EYA1: variants seen among roughly 807,000 people sequenced by gnomAD.
EYA1 encodes the protein EYA transcriptional coactivator and phosphatase 1, also known as protein phosphatase EYA1.
A neutral mutation model predicts 82.0 loss-of-function variants in EYA1; 16 were observed. The observed-to-expected ratio is 0.20, with a 90% confidence interval of 0.13 to 0.30. The LOEUF is 0.30. Ranked by LOEUF, EYA1 falls within the 10% of genes least tolerant of loss-of-function variation. The pLI is 1.00. For missense variants in EYA1, 633 were observed against 730.7 expected (o/e 0.87, Z 1.54); for synonymous variants, 261 against 264.4 (o/e 0.99, Z 0.12).
At chr8:71,451,446 T>C (rs1807366364) in intron 2 of EYA1, among the ~76,000 whole-genome samples, 2 of 152,208 alleles carry the variant, frequency 1.3e-5, no homozygotes, top group African/African-American at 2.4e-5. Context: ...ATCTATGATA[T>C]GAGACAAATT....
At chr8:71,325,078 TA>T (rs1295743894) in intron 4 of EYA1, among the ~76,000 whole-genome samples, 1 of 152,230 alleles carries the variant, frequency 6.6e-6, no homozygotes, top group Non-Finnish European at 1.5e-5. Context: ...ATCCCTAGGA[TA>T]AATTCCAAAT....
intron 4 of EYA1, among the ~76,000 whole-genome samples, chr8:71,329,969 T>C (rs1823630237): frequency 6.6e-6 from 1 of 152,028 alleles, no homozygotes; most frequent in South Asian, 2.1e-4. Flanking sequence ...AGGTGAGATT[T>C]GAACACAGAC....
intron 9 of EYA1, among the ~76,000 whole-genome samples, chr8:71,281,701 C>T (rs1817833015): frequency 6.6e-6 from 1 of 152,242 alleles, no homozygotes; most frequent in Admixed American, 6.5e-5. Flanking sequence ...TGCACTCCCA[C>T]AGGGCTTTGT....
At chr8:71,270,073 T>A in intron 10 of EYA1, 1 of 408,962 alleles carries the variant, frequency 2.4e-6, no homozygotes, top group East Asian at 4.9e-5. Context: ...ATAATCTATG[T>A]CCTTTCTAAT....
At chr8:71,500,884 T>C (rs1811763609) in intron 2 of EYA1, among the ~76,000 whole-genome samples, 1 of 152,178 alleles carries the variant, frequency 6.6e-6, no homozygotes, top group African/African-American at 2.4e-5. Flanking sequence ...ATCTTCATAA[T>C]CTTTACATTT....
At chr8:71,447,560 A>C (rs1806991432) in intron 2 of EYA1, among the ~76,000 whole-genome samples, 1 of 152,168 alleles carries the variant, frequency 6.6e-6, no homozygotes, top group Admixed American at 6.5e-5. Flanking sequence ...ATATTGATTT[A>C]AGTTTTGATA....
chr8:71,440,284 C>T (rs766179310), intron 2 of EYA1, among the ~76,000 whole-genome samples: 14 of 152,040 alleles, frequency 9.2e-5, no homozygotes, highest in East Asian at 1.9e-4. Context: ...AGCCATTGGC[C>T]GGTTTTGTGA....
intron 2 of EYA1, among the ~76,000 whole-genome samples, chr8:71,411,764 C>G (rs999162806): frequency 4.9e-5 from 7 of 142,524 alleles, no homozygotes; most frequent in Non-Finnish European, 7.6e-5. Context: ...AATAGGAACA[C>G]TTTTACACTG....
intron 2 of EYA1, among the ~76,000 whole-genome samples, chr8:71,442,345 C>G (rs915017024): frequency 1.3e-5 from 2 of 152,114 alleles, no homozygotes; most frequent in Non-Finnish European, 2.9e-5. Flanking sequence ...GGCAAGTGAA[C>G]TGCTTCTTAG....
intron 7 of EYA1, among the ~76,000 whole-genome samples, chr8:71,303,450 C>T (rs907271496): frequency 2.8e-5 from 4 of 142,636 alleles, no homozygotes; most frequent in African/African-American, 7.4e-5. Context: ...AAAAAAACTT[C>T]GACATTCCTA....
chr8:71,483,262 C>G (rs947582707), intron 2 of EYA1, among the ~76,000 whole-genome samples: 2 of 152,136 alleles, frequency 1.3e-5, no homozygotes, highest in African/African-American at 4.8e-5. Context: ...TAGCCACCAA[C>G]CTCCCTCTCT....
upstream of EYA1, among the ~76,000 whole-genome samples, chr8:71,363,391 C>T (rs1217446280): frequency 6.6e-6 from 1 of 152,082 alleles, no homozygotes; most frequent in Non-Finnish European, 1.5e-5. Context: ...CGAAAGTATG[C>T]CAATCTGAAT....
At chr8:71,475,241 T>C (rs1233957390) in intron 2 of EYA1, among the ~76,000 whole-genome samples, 1 of 152,180 alleles carries the variant, frequency 6.6e-6, no homozygotes, top group African/African-American at 2.4e-5. Context: ...TGTGTGTAGC[T>C]AGGGTCAAAC....
intron 3 of EYA1, among the ~76,000 whole-genome samples, chr8:71,339,974 C>T (rs1290548293): frequency 6.6e-6 from 1 of 152,098 alleles, no homozygotes; most frequent in African/African-American, 2.4e-5. Context: ...CTATAATTTC[C>T]ACCACTCTAA....
intron 2 of EYA1, among the ~76,000 whole-genome samples, chr8:71,522,891 TG>T (rs1813506982): frequency 6.6e-6 from 1 of 152,218 alleles, no homozygotes; most frequent in Non-Finnish European, 1.5e-5. Flanking sequence ...ATTACAGGCG[TG>T]GGCCACTGCA....
intron 2 of EYA1, among the ~76,000 whole-genome samples, chr8:71,405,539 T>C (rs1163496870): frequency 2.6e-5 from 4 of 152,212 alleles, no homozygotes; most frequent in Non-Finnish European, 5.9e-5. Context: ...TCACTGTTAT[T>C]TTAATTTATC....
intron 2 of EYA1, among the ~76,000 whole-genome samples, chr8:71,505,001 T>C (rs961709701): frequency 6.6e-6 from 1 of 152,146 alleles, no homozygotes; most frequent in Non-Finnish European, 1.5e-5. Flanking sequence ...GGTTTTGCCA[T>C]GTTGGCCAGG....
rs984704558 is a variant in EYA1 at position 71,215,379 on chromosome 8, C to T, written c.1597+8G>A. On this transcript the variant is annotated splice_region_variant and intron_variant, in intron 16 of 17. Transcript: ENST00000340726. ...CTGATTGTTAAAAAGAAAAGAAAAG[C>T]AGCTCACCTATTTTAGTTGCACTGT... The T allele has an allele frequency of 2.6e-5, 42 of 1,611,320 alleles. No individual in the cohort carries two copies. The highest frequency in any genetic ancestry group is 1.8e-4 in the Middle Eastern group (1 of 5,678).
intron 2 of EYA1, among the ~76,000 whole-genome samples, chr8:71,517,306 AAACTT>A (rs1218132245): frequency 6.6e-6 from 1 of 151,984 alleles, no homozygotes; most frequent in Non-Finnish European, 1.5e-5. Flanking sequence ...GCCCAAAACT[AAACTT>A]ATGATCCTAT....
Sources: gnomAD v4.1 joint callset for allele counts (sites outside exome capture counted in the v4.1 genomes callset) on GRCh38, gnomAD v4.1.1 for gene constraint, MANE v1.5 for transcripts, NCBI Gene and HGNC (gene_info 2026-07-23, HGNC 2026-07-21) for gene names.